The following SPAG16 variants were observed in gnomAD, a reference collection of about 807,000 sequenced individuals.
SPAG16 encodes sperm-associated antigen 16 protein.
SPAG16 carries 86 observed loss-of-function variants against 80.4 expected under a neutral mutation model. That is an observed-to-expected ratio of 1.07 (90% CI 0.90 to 1.28). The LOEUF (loss-of-function observed/expected upper bound fraction) is 1.28, where lower values mean the gene tolerates loss of function less well. Among genes scored for constraint, SPAG16 ranks in the 50% most tolerant of loss-of-function variants. The pLI is 0.00. For missense variants in SPAG16, 870 were observed against 765.3 expected, an observed-to-expected ratio of 1.14 and a Z score of -1.61; for synonymous variants, 294 against 265.9, an observed-to-expected ratio of 1.11 and a Z score of -1.03.
At chr2:213,765,644 T>G (rs967737538) in intron 10 of SPAG16, among the ~76,000 whole-genome samples, 2 of 152,186 alleles carry the variant, frequency 1.3e-5, no homozygotes, top group African/African-American at 4.8e-5. Flanking sequence ...TCTCAAATTC[T>G]TCCAGTATAT....
intron 15 of SPAG16, among the ~76,000 whole-genome samples, chr2:214,254,679 T>C (rs1690553714): frequency 6.6e-6 from 1 of 152,092 alleles, no homozygotes; most frequent in South Asian, 2.1e-4. Context: ...AATCTTTTGT[T>C]TCTATTTGTT....
intron 10 of SPAG16, among the ~76,000 whole-genome samples, chr2:213,750,391 A>G (rs1484390031): frequency 6.6e-6 from 1 of 152,224 alleles, no homozygotes; most frequent in East Asian, 1.9e-4. Context: ...GCATACCTTT[A>G]TGTTATCTGC....
chr2:214,061,769 C>A (rs78956271), intron 13 of SPAG16, among the ~76,000 whole-genome samples: 3,661 of 152,162 alleles, frequency 0.024, 139 homozygotes, highest in African/African-American at 0.081. Flanking sequence ...CAGTATTTTA[C>A]AGTACTCAGA....
At chr2:213,612,709 C>T (rs1466243742) in intron 10 of SPAG16, among the ~76,000 whole-genome samples, 1 of 152,078 alleles carries the variant, frequency 6.6e-6, no homozygotes, top group South Asian at 2.1e-4. Context: ...GACGCAGTTT[C>T]GCTCTTGTTG....
At chr2:214,323,330 A>ATT (rs1412304432) in intron 15 of SPAG16, among the ~76,000 whole-genome samples, 1 of 142,886 alleles carries the variant, frequency 7.0e-6, no homozygotes, top group African/African-American at 2.5e-5. Context: ...AAATATATAT[A>ATT]TATATTTATT....
intron 10 of SPAG16, among the ~76,000 whole-genome samples, chr2:213,563,883 G>C (rs537141694): frequency 6.6e-6 from 1 of 152,128 alleles, no homozygotes; most frequent in Non-Finnish European, 1.5e-5. Flanking sequence ...TCTACACCCT[G>C]AATGAGTGTG....
intron 15 of SPAG16, among the ~76,000 whole-genome samples, chr2:214,149,913 G>C (rs1362491500): frequency 1.3e-5 from 2 of 151,912 alleles, no homozygotes; most frequent in Non-Finnish European, 2.9e-5. Context: ...CATTTATAAG[G>C]TTAAAAATAC....
intron 13 of SPAG16, among the ~76,000 whole-genome samples, chr2:214,064,382 G>A (rs547385623): frequency 2.6e-5 from 4 of 151,956 alleles, no homozygotes; most frequent in African/African-American, 9.6e-5. Context: ...AATATTGGGA[G>A]CAATTATTCT....
chr2:214,351,811 A>G (rs1698434015), intron 15 of SPAG16, among the ~76,000 whole-genome samples: 1 of 146,354 alleles, frequency 6.8e-6, no homozygotes, highest in Non-Finnish European at 1.5e-5. Flanking sequence ...AACTTCTACA[A>G]TGAACGTATA....
chr2:213,648,378 T>C (rs1232117104), intron 10 of SPAG16, among the ~76,000 whole-genome samples: 3 of 152,202 alleles, frequency 2.0e-5, no homozygotes, highest in Non-Finnish European at 4.4e-5. Flanking sequence ...CAAAACTCTA[T>C]ATTCATTGGG....
chr2:214,075,283 A>T (rs1046267061), intron 13 of SPAG16, among the ~76,000 whole-genome samples: 2 of 152,048 alleles, frequency 1.3e-5, no homozygotes, highest in African/African-American at 4.8e-5. Flanking sequence ...CATTTAATAA[A>T]TCCTCACATA....
At chr2:214,061,641 C>T (rs1005704577) in intron 13 of SPAG16, among the ~76,000 whole-genome samples, 24 of 152,170 alleles carry the variant, frequency 1.6e-4, no homozygotes, top group Non-Finnish European at 3.5e-4. Context: ...ATCTGCTTTA[C>T]TTACAGCTAC....
At chr2:213,693,595 A>G (rs2065035750) in intron 10 of SPAG16, among the ~76,000 whole-genome samples, 1 of 152,170 alleles carries the variant, frequency 6.6e-6, no homozygotes, top group Admixed American at 6.5e-5. Context: ...TTTCAACCTA[A>G]CATTACTCTT....
chr2:214,303,041 G>A (rs773451668), intron 15 of SPAG16, among the ~76,000 whole-genome samples: 2 of 152,162 alleles, frequency 1.3e-5, no homozygotes, highest in African/African-American at 4.8e-5. Flanking sequence ...CTTGAAGACG[G>A]CAGATAGTTG....
chr2:213,411,438 GC>G (rs1451869994), intron 9 of SPAG16, among the ~76,000 whole-genome samples: 2 of 152,198 alleles, frequency 1.3e-5, no homozygotes, highest in African/African-American at 4.8e-5. Context: ...TAAAGGAATA[GC>G]TGAGCAATTA....
Position 214,277,613 on chromosome 2 carries a change from C to T in SPAG16, c.1720+128347C>T, listed in dbSNP as rs546446922. ...ACCCTGTTTGCCTGGGTATCACCAG[C>T]GGAGGCTGAAGAATAGCAAATATTG... On this transcript the variant is annotated intron_variant, in intron 15 of 15. Transcript: ENST00000331683. 5.9e-5 allele frequency among the ~76,000 whole-genome samples: 9 copies of T among 152,298 alleles called. No homozygotes were observed. In the East Asian group the frequency reaches 9.7e-4, roughly 16 times the overall value.
intron 11 of SPAG16, among the ~76,000 whole-genome samples, chr2:213,912,728 G>A (rs1251911815): frequency 1.3e-5 from 2 of 152,140 alleles, no homozygotes; most frequent in Non-Finnish European, 2.9e-5. Context: ...GAATGTACCT[G>A]TGTAGGACAG....
At chr2:213,345,999 C>G (rs1200313790) in intron 6 of SPAG16, among the ~76,000 whole-genome samples, 1 of 152,162 alleles carries the variant, frequency 6.6e-6, no homozygotes, top group African/African-American at 2.4e-5. Context: ...GATATTGATT[C>G]TTCCTACCCA....
intron 15 of SPAG16, among the ~76,000 whole-genome samples, chr2:214,370,456 A>G (rs1699737689): frequency 6.6e-6 from 1 of 152,162 alleles, no homozygotes; most frequent in African/African-American, 2.4e-5. Context: ...TATAATAGAG[A>G]AATTATATAA....
Sources: allele counts gnomAD v4.1 joint callset (sites outside exome capture counted in the v4.1 genomes callset), GRCh38; gene constraint gnomAD v4.1.1; transcripts MANE v1.5; gene names NCBI Gene and HGNC (gene_info 2026-07-23, HGNC 2026-07-21).